The following SYNE1 variants were observed in gnomAD, a reference collection of about 807,000 sequenced individuals.
The protein encoded by SYNE1 is spectrin repeat containing nuclear envelope protein 1.
A neutral mutation model predicts 1,111.0 loss-of-function variants in SYNE1; 616 were observed. The observed-to-expected ratio is 0.55, with a 90% confidence interval of 0.52 to 0.59. The LOEUF (loss-of-function observed/expected upper bound fraction) is 0.59, where lower values mean the gene tolerates loss of function less well. SYNE1 is among the 20% of genes least tolerant of loss of function. The pLI is 0.00. For missense variants in SYNE1, 10,006 were observed against 10,417.0 expected (o/e 0.96, Z 1.72); for synonymous variants, 3,855 against 3,825.8 (o/e 1.01, Z -0.28).
rs73007780 is a variant in SYNE1 at position 152,293,907 on chromosome 6, G to T, written c.17850+53C>A. ...TCTGCATGTATTTCATAAGACAATCGCTAAGGTTACTGGTGTCTGGTGGGC... is the reference window on the plus strand; with the variant it reads ...TCTGCATGTATTTCATAAGACAATCTCTAAGGTTACTGGTGTCTGGTGGGC... On this transcript the variant is annotated intron_variant, in intron 94 of 145. Coordinates refer to ENST00000367255, the MANE Select transcript of SYNE1 (RefSeq NM_182961.4). 0.051 allele frequency: 82,930 copies of T among 1,612,268 alleles called. 2,332 individuals carry two copies. Among genetic ancestry groups the T allele is most frequent in the East Asian group, 0.078 (3,518 of 44,870 alleles).
intron 3 of SYNE1, among the ~76,000 whole-genome samples, chr6:152,540,610 C>G (rs1594965781): frequency 6.6e-6 from 1 of 152,304 alleles, no homozygotes; most frequent in Non-Finnish European, 1.5e-5. Flanking sequence ...TGGGTAGAAC[C>G]TGTGATTTGT....
intron 3 of SYNE1, among the ~76,000 whole-genome samples, chr6:152,606,313 A>C (rs533024223): frequency 6.6e-6 from 1 of 152,312 alleles, no homozygotes; most frequent in East Asian, 1.9e-4. Flanking sequence ...TAGCCCAGGA[A>C]GGACCTAAAC....
chr6:152,148,480 AG>A lies in SYNE1; in HGVS notation c.24643-103del, dbSNP rs2059882415. ...TGGGGACAATTTTTAACTTCTTATG[AG>A]CAAATAAATAAGAATCTTCTGATCA... On this transcript the variant is annotated intron_variant, in intron 136 of 145. Transcript: ENST00000367255. This position sits in a 1 kb window ranked among gnomAD's most constrained non-coding sequence, Gnocchi z 4.1. 1.0e-6 allele frequency: 1 copy of A among 982,720 alleles called. No individual in the cohort carries two copies. The highest frequency in any genetic ancestry group is 1.6e-6 in the Non-Finnish European group (1 of 641,278). The allele number at this position is 982,720 out of a possible 1,614,324, so 60.9% of individuals were successfully genotyped here.
At chr6:152,246,562 GT>G (rs1425895926) in intron 105 of SYNE1, among the ~76,000 whole-genome samples, 2 of 152,266 alleles carry the variant, frequency 1.3e-5, no homozygotes, top group Admixed American at 1.3e-4. Flanking sequence ...AGGTCTCTTG[GT>G]AAGACAGTTC....
chr6:152,589,479 G>C (rs923955259), intron 3 of SYNE1, among the ~76,000 whole-genome samples: 3 of 151,926 alleles, frequency 2.0e-5, no homozygotes, highest in African/African-American at 7.3e-5. Flanking sequence ...AATGAGTTTT[G>C]GTAATAAATG....
intron 97 of SYNE1, among the ~76,000 whole-genome samples, chr6:152,280,062 T>G (rs1681396205): frequency 6.6e-6 from 1 of 152,196 alleles, no homozygotes. Context: ...ACATAATTTT[T>G]AGCACTTCCA....
chr6:152,293,587 C>T lies in SYNE1; in HGVS notation c.18012+1G>A, dbSNP rs1562842409. ...GAAACTGAAGTCATGGCTATTTGTA[C>T]CTGATGTTCAGCCATCTGGCTTTCT... On this transcript the variant is annotated splice_donor_variant, in intron 95 of 145. Transcript: ENST00000367255. LOFTEE classifies it high-confidence loss of function. 3 of 1,613,846 alleles carry T rather than the reference C, an allele frequency of 1.9e-6. No homozygotes were observed. Among genetic ancestry groups the T allele is most frequent in the Non-Finnish European group, 2.5e-6 (3 of 1,179,932 alleles).
rs1198362786 is a variant in SYNE1, at chr6:152,309,914, A to G, written c.17123T>C (p.Leu5708Pro). ...IPEDVVASLP[L>P]CHAALRLQEE... is the part of the protein sequence containing the mutation. ...CTGCAGCCGCAGAGCAGCATGACAG[A>G]GAGGTAAGCTGGCAACCACATCCTC... The change falls in exon 90 of 146, where the codon CTC becomes CCC. Residue 5708 changes from leucine to proline, a missense_variant. Leu to Pro is a moderately conservative substitution (Grantham distance 98, BLOSUM62 -3). This residue lies in a region of SYNE1 where 4,955 missense variants were observed against 5,017.2 expected (regional missense o/e 0.99). Coordinates refer to ENST00000367255, the MANE Select transcript of SYNE1 (RefSeq NM_182961.4). The G allele has an allele frequency of 1.2e-6, 2 of 1,614,152 alleles. No homozygotes were observed. The highest frequency in any genetic ancestry group is 8.5e-7 in the Non-Finnish European group (1 of 1,180,042).
chr6:152,137,055 G>A (rs1051103883), intron 140 of SYNE1, among the ~76,000 whole-genome samples: 4 of 151,968 alleles, frequency 2.6e-5, no homozygotes, highest in African/African-American at 4.8e-5. Context: ...GAGTGAAAAC[G>A]TCAGAAACAG....
intron 100 of SYNE1, among the ~76,000 whole-genome samples, chr6:152,263,387 T>C (rs919746852): frequency 3.3e-5 from 5 of 151,890 alleles, no homozygotes; most frequent in Admixed American, 3.3e-4. Flanking sequence ...TTGGTATGGC[T>C]CTTATTTATT....
In SYNE1 at chr6:152,605,115, A is replaced by G. The variant is rs1030477629; in HGVS notation, c.67+23150T>C. Among the ~76,000 whole-genome samples, 6 of 130,638 alleles carry G rather than the reference A, an allele frequency of 4.6e-5. No homozygotes were observed. The East Asian group carries it at 1.2e-3, about 26-fold the overall frequency. The allele number at this position is 130,638 out of a possible 152,430, so 85.7% of individuals were successfully genotyped here. On this transcript the variant is annotated intron_variant, in intron 3 of 145. Transcript: ENST00000367255. ...AAGGAAGGAAGGAAGGAAGGAAGGA[A>G]GGAAGGAAGGAAGGAGAAAGGAAAA...
At chr6:152,398,270 T>C (rs1006423974) in intron 49 of SYNE1, among the ~76,000 whole-genome samples, 1 of 152,168 alleles carries the variant, frequency 6.6e-6, no homozygotes, top group African/African-American at 2.4e-5. Flanking sequence ...ACACAAACCA[T>C]GTCTTCTTCT....
At chr6:152,482,069 C>A (rs2098906829) in intron 14 of SYNE1, among the ~76,000 whole-genome samples, 12 of 152,006 alleles carry the variant, frequency 7.9e-5, no homozygotes, top group Admixed American at 7.9e-4. Context: ...GAAATGGAGG[C>A]AGGACCCTGA....
chr6:152,249,148 C>A lies in SYNE1; in HGVS notation c.19572+13G>T. On this transcript the variant is annotated intron_variant, in intron 105 of 145. Coordinates refer to ENST00000367255, the MANE Select transcript of SYNE1 (RefSeq NM_182961.4). ...ATGCATTTTCTCTTCTAGGAAAAGG[C>A]AGCTATAAATACCTCTATTTGTTCT... 3.9e-6 allele frequency: 6 copies of A among 1,550,684 alleles called. No individual in the cohort carries two copies. In the South Asian group the frequency reaches 6.7e-5, roughly 17 times the overall value.
intron 72 of SYNE1, 55 bp downstream of exon 72, chr6:152,350,113 C>A (rs185145280): frequency 5.6e-6 from 9 of 1,598,982 alleles, no homozygotes; most frequent in South Asian, 2.2e-5. Context: ...CAGACACATG[C>A]GTACACACAC....
Position 152,261,194 on chromosome 6 carries a change from G to A in SYNE1, c.18972+838C>T, listed in dbSNP as rs112798746. ...CAGGAAAGGTTTTAGAATTCACTCCGATAATACTGCTGACTTGGAATGAGC... is the reference window on the plus strand; with the variant it reads ...CAGGAAAGGTTTTAGAATTCACTCCAATAATACTGCTGACTTGGAATGAGC... On this transcript the variant is annotated intron_variant, in intron 101 of 145. Transcript: ENST00000367255. Among the ~76,000 whole-genome samples the A allele has an allele frequency of 6.4e-3, 980 of 152,264 alleles. 6 individuals carry two copies. Among genetic ancestry groups the A allele is most frequent in the Non-Finnish European group, 8.4e-3 (571 of 68,020 alleles).
chr6:152,355,000 T>C lies in SYNE1; in HGVS notation c.10609-24A>G, dbSNP rs951198643. 2.5e-6 allele frequency: 4 copies of C among 1,611,128 alleles called. No homozygotes were observed. The African/African-American group carries it at 5.3e-5, about 22-fold the overall frequency. ...TCCTGCAGAGAAAAAGGTATGGCTG[T>C]CACTCTCAATCATATTTCACACTTG... On this transcript the variant is annotated intron_variant, in intron 66 of 145. Transcript: ENST00000367255.
At position 152,390,416 on chromosome 6, in the gene SYNE1, A is replaced by G. The variant is rs758296829; in HGVS notation, c.8041T>C (p.Leu2681=). The change falls in exon 53 of 146, where the codon TTG becomes CTG. Residue 2681 remains leucine, a synonymous_variant. Coordinates refer to ENST00000367255, the MANE Select transcript of SYNE1 (RefSeq NM_182961.4). ...TCCCCCTTGCCAATGGCCATATTCAACTTAACTTCCCCTTCACCTTTCATC... is the reference window on the plus strand; with the variant it reads ...TCCCCCTTGCCAATGGCCATATTCAGCTTAACTTCCCCTTCACCTTTCATC... ...LLMKGEGEVK[L]NMAIGKGEQA... 3.1e-6 allele frequency: 5 copies of G among 1,614,108 alleles called. No individual in the cohort carries two copies. Among genetic ancestry groups the G allele is most frequent in the Non-Finnish European group, 4.2e-6 (5 of 1,180,006 alleles).
At chr6:152,411,731 C>CACA (rs60807760) in intron 42 of SYNE1, among the ~76,000 whole-genome samples, 2 of 149,474 alleles carry the variant, frequency 1.3e-5, no homozygotes, top group African/African-American at 2.5e-5. Flanking sequence ...ACACACACCC[C>CACA]CACACACACA....
Sources: gnomAD v4.1 joint callset for allele counts (sites outside exome capture counted in the v4.1 genomes callset) on GRCh38, gnomAD v4.1.1 for gene constraint, gnomAD v4.1.1 regional missense constraint, Gnocchi (gnomAD v3.1) non-coding constraint, MANE v1.5 for transcripts, NCBI Gene and HGNC (gene_info 2026-07-23, HGNC 2026-07-21) for gene names.